Variants in STARD13 observed in about 807,000 individuals in gnomAD.
The protein encoded by STARD13 is StAR related lipid transfer domain containing 13.
Under a neutral mutation model 106.4 loss-of-function variants are expected in STARD13, and 62 were observed. That is an observed-to-expected ratio of 0.58 (90% CI 0.48 to 0.72). STARD13 has a LOEUF of 0.72. Ranked by LOEUF, STARD13 falls within the 30% of genes least tolerant of loss-of-function variation. STARD13 has a pLI of 0.00. For synonymous variants in STARD13, 565 were observed against 553.0 expected (o/e 1.02, Z -0.31); for missense variants, 1,387 against 1,424.0 (o/e 0.97, Z 0.42).
rs1229552887 is a variant in STARD13 at position 33,285,554 on chromosome 13, G to C, written c.85C>G (p.Arg29Gly). Residue 29 changes from arginine to glycine, a missense_variant, in exon 1 of 14, where the codon CGA (arginine) becomes GGA (glycine). Coordinates refer to ENST00000336934, the MANE Select transcript of STARD13 (RefSeq NM_178006.4). ...GAGCGTCTTGTAGTCTGATCAAATC[G>C]CAAGTACATCTCCTGGCCCTCAGGT... Reference protein sequence around the residue: ...MTPEGQEMYLRFDQTTRRSPY... With the variant: ...MTPEGQEMYLGFDQTTRRSPY... 1.2e-6 allele frequency: 2 copies of C among 1,613,878 alleles called. No individual in the cohort carries two copies. Among genetic ancestry groups the C allele is most frequent in the African/African-American group, 1.3e-5 (1 of 74,890 alleles).
At chr13:33,114,132 T>C (rs1161671438) in intron 8 of STARD13, among the ~76,000 whole-genome samples, 1 of 152,188 alleles carries the variant, frequency 6.6e-6, no homozygotes, top group Non-Finnish European at 1.5e-5. Flanking sequence ...ATGTGCATAG[T>C]ACATTAGAGT....
chr13:33,273,376 A>G (rs1891255328), intron 1 of STARD13, among the ~76,000 whole-genome samples: 1 of 152,222 alleles, frequency 6.6e-6, no homozygotes, highest in African/African-American at 2.4e-5. Context: ...AGGTTTTTGC[A>G]AGGCTCAAGA....
chr13:33,149,106 A>G (rs1880926430), intron 3 of STARD13, among the ~76,000 whole-genome samples: 2 of 152,084 alleles, frequency 1.3e-5, no homozygotes, highest in South Asian at 4.2e-4. Context: ...CAATGCAGCT[A>G]CTCTCTATGA....
At chr13:33,571,754 C>T in the STARD13 span, among the ~76,000 whole-genome samples, 27 of 152,140 alleles carry the variant, frequency 1.8e-4, no homozygotes, top group Non-Finnish European at 3.2e-4. Context: ...GTACCAGATG[C>T]CTGTCAGTCA....
chr13:33,640,474 G>T, the STARD13 span, among the ~76,000 whole-genome samples: 1 of 152,176 alleles, frequency 6.6e-6, no homozygotes, highest in Non-Finnish European at 1.5e-5. Context: ...CCAGCCTGGA[G>T]TTCCATTCAG....
chr13:33,605,275 T>C, the STARD13 span, among the ~76,000 whole-genome samples: 1 of 151,398 alleles, frequency 6.6e-6, no homozygotes, highest in Non-Finnish European at 1.5e-5. Flanking sequence ...AGATAAATTT[T>C]ATCCAGAGTG....
At position 33,103,728 on chromosome 13, in the gene STARD13, C is replaced by T. The variant is rs758989524; in HGVS notation, c.*1865G>A. On this transcript the variant is annotated 3_prime_UTR_variant, in exon 14 of 14. Coordinates refer to ENST00000336934, the MANE Select transcript of STARD13 (RefSeq NM_178006.4). ...CATCCTCGTGTGCCTATCACGTTTT[C>T]CAAACACATAGGATCCCATCTCAGG... The T allele has an allele frequency of 6.6e-6, 1 of 152,436 alleles. No homozygotes were observed. The highest frequency in any genetic ancestry group is 1.5e-5 in the Non-Finnish European group (1 of 68,028). The allele number at this position is 152,436 out of a possible 1,614,324, so 9.4% of individuals were successfully genotyped here.
chr13:33,320,865 A>T (rs1045187509), intron 1 of STARD13, among the ~76,000 whole-genome samples: 1 of 152,148 alleles, frequency 6.6e-6, no homozygotes, highest in South Asian at 2.1e-4. Flanking sequence ...CTATATTGAC[A>T]CATTTTCAGT....
At chr13:33,350,387 T>C in exon 1 of STARD13, 1 of 1,533,664 alleles carries the variant, frequency 6.5e-7, no homozygotes, top group South Asian at 1.2e-5. Context: ...TGAGCTGCGT[T>C]TGGCAAGGTT....
intron 1 of STARD13, among the ~76,000 whole-genome samples, chr13:33,341,567 G>C: frequency 6.6e-6 from 1 of 150,600 alleles, no homozygotes; most frequent in Non-Finnish European, 1.5e-5. Context: ...CTCCAGCCTG[G>C]GCGACAGAGC....
At chr13:33,287,618 G>A (rs1892122521), upstream of STARD13, among the ~76,000 whole-genome samples, 1 of 148,160 alleles carries the variant, frequency 6.7e-6, no homozygotes, top group Admixed American at 6.7e-5. Flanking sequence ...GAGAAAGGTC[G>A]AGCACCATAT....
the STARD13 span, among the ~76,000 whole-genome samples, chr13:33,486,726 ACTC>A: frequency 6.6e-6 from 1 of 151,638 alleles, no homozygotes; most frequent in Non-Finnish European, 1.5e-5. Context: ...TCCCCTAACA[ACTC>A]CTCTTCCAAA....
intron 1 of STARD13, among the ~76,000 whole-genome samples, chr13:33,326,178 G>A (rs1044589533): frequency 3.9e-5 from 6 of 152,026 alleles, no homozygotes; most frequent in Admixed American, 6.6e-5. Flanking sequence ...ACAGGATGTA[G>A]AGAATCATTT....
chr13:33,334,881 C>T (rs918954698), intron 1 of STARD13: 1 of 151,506 alleles, frequency 6.6e-6, no homozygotes, highest in African/African-American at 2.4e-5. Context: ...GCAGCGCACA[C>T]ACACACCACA....
chr13:33,305,345 A>C (rs541778937), intron 1 of STARD13, among the ~76,000 whole-genome samples: 6 of 152,360 alleles, frequency 3.9e-5, no homozygotes, highest in African/African-American at 1.4e-4. Flanking sequence ...AGTGTTCCAT[A>C]TAAGGCTGGA....
the STARD13 span, among the ~76,000 whole-genome samples, chr13:33,558,355 C>G: frequency 6.6e-6 from 1 of 151,718 alleles, no homozygotes; most frequent in Admixed American, 6.6e-5. Flanking sequence ...CAAAAAAGTA[C>G]CTGGAAAGTA....
chr13:33,165,476 A>G (rs1335324544), intron 2 of STARD13, 58 bp from the exon 3 acceptor site: 11 of 1,291,510 alleles, frequency 8.5e-6, no homozygotes, highest in Admixed American at 1.7e-5. Flanking sequence ...GAGCACCAAC[A>G]TATTCAGACC....
At chr13:33,506,961 T>C in the STARD13 span, among the ~76,000 whole-genome samples, 1 of 151,854 alleles carries the variant, frequency 6.6e-6, no homozygotes, top group Non-Finnish European at 1.5e-5. Flanking sequence ...ATTAGCCAGG[T>C]GTGGTGGTAT....
At chr13:33,361,416 C>T in the STARD13 span, among the ~76,000 whole-genome samples, 373 of 152,226 alleles carry the variant, frequency 2.5e-3, 1 homozygote, top group African/African-American at 7.9e-3. Context: ...GTAGGCTATT[C>T]GTAGTTAAGT....
Sources: allele counts gnomAD v4.1 joint callset (sites outside exome capture counted in the v4.1 genomes callset), GRCh38; gene constraint gnomAD v4.1.1; transcripts MANE v1.5; gene names NCBI Gene and HGNC (gene_info 2026-07-23, HGNC 2026-07-21).